PTPN2: variants seen among roughly 807,000 people sequenced by gnomAD.
PTPN2 encodes tyrosine-protein phosphatase non-receptor type 2.
A neutral mutation model predicts 57.3 loss-of-function variants in PTPN2; 19 were observed. The ratio of observed to expected loss-of-function variants is 0.33; its 90% CI spans 0.23 to 0.49. The LOEUF is 0.49. Ranked by LOEUF, PTPN2 falls within the 20% of genes least tolerant of loss-of-function variation. The pLI is 0.99. For synonymous variants in PTPN2, 153 were observed against 164.9 expected (o/e 0.93, Z 0.55); for missense variants, 358 against 501.1 (o/e 0.71, Z 2.73).
At chr18:12,860,578 C>T (rs2043769720) in intron 1 of PTPN2, among the ~76,000 whole-genome samples, 1 of 151,762 alleles carries the variant, frequency 6.6e-6, no homozygotes. Flanking sequence ...GCCTGGGTGA[C>T]AGAGTGAGGC....
rs545067539 is a variant in PTPN2 at position 12,794,114 on chromosome 18, G to A, written c.*164C>T. 24 of 1,444,870 alleles carry A rather than the reference G, an allele frequency of 1.7e-5. No homozygotes were observed. The Admixed American group carries it at 6.8e-4, about 41-fold the overall frequency. 89.5% of individuals were successfully genotyped at this position (1,444,870 alleles called of 1,614,324 possible). Reference sequence around the variant, plus strand: ...GGTTCAGAGGAACCTGCAGTCAAGAGTCCTGAGATGTTGGGCTTGTGACTG... The same window carrying A: ...GGTTCAGAGGAACCTGCAGTCAAGAATCCTGAGATGTTGGGCTTGTGACTG... On this transcript the variant is annotated 3_prime_UTR_variant, in exon 9 of 9. Coordinates refer to ENST00000309660, the MANE Select transcript of PTPN2 (RefSeq NM_002828.4).
chr18:12,798,400 C>T (rs893702269), intron 8 of PTPN2, among the ~76,000 whole-genome samples: 1 of 151,818 alleles, frequency 6.6e-6, no homozygotes, highest in Admixed American at 6.6e-5. Flanking sequence ...CCTGATTGTC[C>T]CCCTCCTCCC....
rs145396642 is a variant in PTPN2 at position 12,816,959 on chromosome 18, T to C, written c.705+197A>G. ...TTCTTAGGGATCTCTAAAATCATCATGGATACATTCCTACCAGTCATGAAT... is the reference window on the plus strand; with the variant it reads ...TTCTTAGGGATCTCTAAAATCATCACGGATACATTCCTACCAGTCATGAAT... On this transcript the variant is annotated intron_variant, in intron 6 of 8. Coordinates refer to ENST00000309660, the MANE Select transcript of PTPN2 (RefSeq NM_002828.4). Among the ~76,000 whole-genome samples, 841 of 152,266 alleles carry C rather than the reference T, an allele frequency of 5.5e-3. 5 individuals carry two copies. The highest frequency in any genetic ancestry group is 0.019 in the African/African-American group (808 of 41,552).
chr18:12,883,689 A>ACGGCGAAGCTG (rs1216580035), intron 1 of PTPN2: 1 of 171,450 alleles, frequency 5.8e-6, no homozygotes, highest in Admixed American at 6.3e-5. Context: ...CGTGGGAGCT[A>ACGGCGAAGCTG]CGGCGAAGCT....
chr18:12,840,500 G>A (rs1280510954), intron 2 of PTPN2, among the ~76,000 whole-genome samples: 1 of 152,150 alleles, frequency 6.6e-6, no homozygotes, highest in East Asian at 1.9e-4. Flanking sequence ...AAACCAACCA[G>A]AACCACTGTC....
rs1401603047 is a variant in PTPN2 at position 12,792,780 on chromosome 18, G to A, written c.*1498C>T. On this transcript the variant is annotated 3_prime_UTR_variant, in exon 9 of 9. Coordinates refer to ENST00000309660, the MANE Select transcript of PTPN2 (RefSeq NM_002828.4). ...TAATTTTTGCATTTTTAGTAGAGATGGTGTTTCACCACGTTGGCCAGGCTG... is the reference window on the plus strand; with the variant it reads ...TAATTTTTGCATTTTTAGTAGAGATAGTGTTTCACCACGTTGGCCAGGCTG... 1 of 375,622 alleles carries A rather than the reference G, an allele frequency of 2.7e-6. No individual in the cohort carries two copies. Among genetic ancestry groups the A allele is most frequent in the Middle Eastern group, 1.3e-3 (1 of 772 alleles). The allele number at this position is 375,622 out of a possible 1,614,324, so 23.3% of individuals were successfully genotyped here.
chr18:12,864,969 G>A (rs1242996322), intron 1 of PTPN2, among the ~76,000 whole-genome samples: 1 of 64,680 alleles, frequency 1.5e-5, no homozygotes, highest in East Asian at 3.9e-4. Flanking sequence ...TTAAATACAG[G>A]GACTCTCAAA....
At chr18:12,878,959 C>T (rs1299900462) in intron 1 of PTPN2, among the ~76,000 whole-genome samples, 1 of 152,214 alleles carries the variant, frequency 6.6e-6, no homozygotes, top group East Asian at 1.9e-4. Context: ...TAGTCTTTTC[C>T]TCAGTAGGCA....
chr18:12,809,731 G>A (rs1204945586), intron 7 of PTPN2, among the ~76,000 whole-genome samples: 1 of 152,154 alleles, frequency 6.6e-6, no homozygotes, highest in Non-Finnish European at 1.5e-5. Flanking sequence ...AGAACTTATG[G>A]AATATTCATT....
Position 12,853,129 on chromosome 18 carries a change from G to C in PTPN2, c.160+6035C>G, listed in dbSNP as rs116278346. The stretch of plus-strand genomic sequence containing the variant: ...TGTTTTCTGAACCAAATCAGCAACT[G>C]TCAAGTACTATGTATAGAAATGCAT... On this transcript the variant is annotated intron_variant, in intron 2 of 8. Transcript: ENST00000309660. Among the ~76,000 whole-genome samples the C allele has an allele frequency of 3.2e-3, 490 of 152,284 alleles. 3 individuals are homozygous for C. The highest frequency in any genetic ancestry group is 0.011 in the African/African-American group (468 of 41,546).
Position 12,836,808 on chromosome 18 carries a change from T to G in PTPN2, c.244A>C (p.Ser82Arg), listed in dbSNP as rs74163638. The change falls in exon 3 of 9, where the codon AGT becomes CGT. Residue 82 changes from serine to arginine, a missense_variant. This residue lies in a region of PTPN2 where 193 missense variants were observed against 315.4 expected (regional missense o/e 0.61). Coordinates refer to ENST00000309660, the MANE Select transcript of PTPN2 (RefSeq NM_002828.4). ...SLVDIEEAQR[S>R]YILTQGPLPN... ...TTACTTGCCTGTGTTAAGATGTAAC[T>G]CCTTTGTGCCTCTTCTATGTCAACT... is the stretch of plus-strand genomic sequence containing the variant. 15 of 1,604,594 alleles carry G rather than the reference T, an allele frequency of 9.3e-6. No homozygotes were observed. The highest frequency in any genetic ancestry group is 1.3e-5 in the Non-Finnish European group (15 of 1,173,752).
intron 2 of PTPN2, among the ~76,000 whole-genome samples, chr18:12,845,513 A>G (rs1171553237): frequency 1.3e-5 from 2 of 152,184 alleles, no homozygotes; most frequent in East Asian, 3.8e-4. Flanking sequence ...CAGGAATACA[A>G]TTGGCTTCTG....
intron 3 of PTPN2, among the ~76,000 whole-genome samples, chr18:12,836,219 T>C (rs958027616): frequency 6.6e-6 from 1 of 152,208 alleles, no homozygotes; most frequent in Admixed American, 6.5e-5. Context: ...TATCTCAGAA[T>C]GGAAGGAAGA....
In PTPN2 at chr18:12,827,139, C is replaced by T. The variant is rs1052700168; in HGVS notation, c.361-1195G>A. ...CAGGCGGATCATGAGGTCAGGAGAT[C>T]GAGACCATCCTGGCTAACACAGTGA... On this transcript the variant is annotated intron_variant, in intron 4 of 8. Transcript: ENST00000309660. Among the ~76,000 whole-genome samples, 57 of 151,384 alleles carry T rather than the reference C, an allele frequency of 3.8e-4. No homozygotes were observed. In the South Asian group the frequency reaches 9.2e-3, roughly 24 times the overall value.
intron 7 of PTPN2, among the ~76,000 whole-genome samples, chr18:12,807,605 A>ATATATATATATATATAT (rs1555660843): frequency 2.7e-5 from 3 of 110,512 alleles, no homozygotes; most frequent in Non-Finnish European, 5.8e-5. Context: ...ATATATATAT[A>ATATATATATATATATAT]ATATAATACT....
intron 8 of PTPN2, among the ~76,000 whole-genome samples, chr18:12,797,485 T>C (rs2041236558): frequency 6.6e-6 from 1 of 152,134 alleles, no homozygotes; most frequent in Non-Finnish European, 1.5e-5. Flanking sequence ...CACACTATTT[T>C]TCTCATTTAA....
chr18:12,840,935 T>A, intron 2 of PTPN2: 1 of 1,514,174 alleles, frequency 6.6e-7, no homozygotes, highest in Non-Finnish European at 8.8e-7. Context: ...GCCTCCATGA[T>A]GAACTGGTCT....
At chr18:12,818,679 G>A (rs1387743957) in intron 5 of PTPN2, among the ~76,000 whole-genome samples, 1 of 151,142 alleles carries the variant, frequency 6.6e-6, no homozygotes, top group African/African-American at 2.4e-5. Flanking sequence ...TTTGAGGGAG[G>A]AGGCATAGAA....
downstream of PTPN2, among the ~76,000 whole-genome samples, chr18:12,790,125 A>G (rs1289168455): frequency 6.6e-6 from 1 of 151,588 alleles, no homozygotes; most frequent in Non-Finnish European, 1.5e-5. Flanking sequence ...TTAAGTAGAG[A>G]CCCAGGCTGA....
Sources: allele counts gnomAD v4.1 joint callset (sites outside exome capture counted in the v4.1 genomes callset), GRCh38; gene constraint gnomAD v4.1.1; regional missense constraint gnomAD v4.1.1; transcripts MANE v1.5; gene names NCBI Gene and HGNC (gene_info 2026-07-23, HGNC 2026-07-21).